The following THSD4 variants were observed in gnomAD, a reference collection of about 807,000 sequenced individuals.
THSD4 encodes the protein thrombospondin type 1 domain containing 4.
A neutral mutation model predicts 119.0 loss-of-function variants in THSD4; 69 were observed. The observed-to-expected ratio is 0.58, with a 90% CI of 0.48 to 0.71. THSD4 has a LOEUF of 0.71. THSD4 is among the 30% of genes least tolerant of loss of function. The pLI is 0.00. For synonymous variants in THSD4, 524 were observed against 540.4 expected, an observed-to-expected ratio of 0.97 and a Z score of 0.42; for missense variants, 1,393 against 1,391.1, an observed-to-expected ratio of 1.00 and a Z score of -0.02.
chr15:71,553,098 C>G (rs989629139), intron 7 of THSD4, among the ~76,000 whole-genome samples: 10 of 152,160 alleles, frequency 6.6e-5, no homozygotes, highest in Admixed American at 3.9e-4. Context: ...CTTCTAGAAC[C>G]ATTCTTGTAC....
chr15:71,432,704 A>G (rs1180237169), intron 7 of THSD4, among the ~76,000 whole-genome samples: 1 of 152,076 alleles, frequency 6.6e-6, no homozygotes. Context: ...TTGACCACAT[A>G]TGATACAATT....
At chr15:71,297,867 A>T (rs935005894) in intron 6 of THSD4, among the ~76,000 whole-genome samples, 2 of 152,196 alleles carry the variant, frequency 1.3e-5, no homozygotes, top group African/African-American at 4.8e-5. Flanking sequence ...CTTATCAGAT[A>T]TATAATTTGC....
intron 1 of THSD4, among the ~76,000 whole-genome samples, chr15:71,101,401 T>C (rs1409405181): frequency 6.6e-6 from 1 of 152,238 alleles, no homozygotes; most frequent in East Asian, 1.9e-4. Flanking sequence ...TTATGTATTA[T>C]GATGACTACA....
At chr15:71,395,492 A>G (rs1162470432) in intron 6 of THSD4, among the ~76,000 whole-genome samples, 2 of 152,178 alleles carry the variant, frequency 1.3e-5, no homozygotes, top group African/African-American at 2.4e-5. Flanking sequence ...CTGTAATCTC[A>G]GCACTTTGGG....
intron 3 of THSD4, among the ~76,000 whole-genome samples, chr15:71,185,173 T>G (rs1341501495): frequency 6.6e-6 from 1 of 151,850 alleles, no homozygotes; most frequent in Non-Finnish European, 1.5e-5. Context: ...GTGGTCACTT[T>G]TAGTACACAT....
At position 71,765,455 on chromosome 15, in the gene THSD4, G is replaced by T. The variant is rs116065821; in HGVS notation, c.2769+256G>T. Reference sequence around the variant, plus strand: ...TTCAGTGTGCATAGGAATCATCTGAGGATCTTGTTTGACAAGACCAACTCT... The same window carrying T: ...TTCAGTGTGCATAGGAATCATCTGATGATCTTGTTTGACAAGACCAACTCT... On this transcript the variant is annotated intron_variant, in intron 16 of 17. Transcript: ENST00000261862. 2.5e-3 allele frequency among the ~76,000 whole-genome samples: 385 copies of T among 152,328 alleles called. 1 individual carries two copies. Among genetic ancestry groups the T allele is most frequent in the African/African-American group, 8.8e-3 (364 of 41,574 alleles).
rs374528465 is a variant in THSD4, at chr15:71,410,672, T to G, written c.1016-1015T>G. 1.2e-4 allele frequency among the ~76,000 whole-genome samples: 19 copies of G among 152,292 alleles called. No individual in the cohort carries two copies. In the East Asian group the frequency reaches 1.7e-3, roughly 14 times the overall value. On this transcript the variant is annotated intron_variant, in intron 6 of 17. Coordinates refer to ENST00000261862, the MANE Select transcript of THSD4 (RefSeq NM_024817.3). ...TAAATACCTCATAATGGAGGAATTA[T>G]TACAGGAAGCTGCGGCCATTTAAAA...
chr15:71,363,416 T>C (rs2045919437), intron 6 of THSD4, among the ~76,000 whole-genome samples: 1 of 152,140 alleles, frequency 6.6e-6, no homozygotes, highest in African/African-American at 2.4e-5. Flanking sequence ...TGCTCACTGC[T>C]CCTGGTGTGC....
At chr15:71,368,223 A>T (rs1239321262) in intron 6 of THSD4, among the ~76,000 whole-genome samples, 1 of 152,024 alleles carries the variant, frequency 6.6e-6, no homozygotes, top group Non-Finnish European at 1.5e-5. Flanking sequence ...ATTTTCTCCC[A>T]TTCTGTAGGT....
At chr15:71,545,550 A>C (rs1310376232) in intron 7 of THSD4, among the ~76,000 whole-genome samples, 1 of 152,160 alleles carries the variant, frequency 6.6e-6, no homozygotes, top group Non-Finnish European at 1.5e-5. Context: ...CTTTTACAGA[A>C]AGTTTCCCAA....
At chr15:71,349,518 C>T (rs560708197) in intron 6 of THSD4, among the ~76,000 whole-genome samples, 1 of 152,288 alleles carries the variant, frequency 6.6e-6, no homozygotes, top group South Asian at 2.1e-4. Flanking sequence ...CTACGTAGCA[C>T]CTGTCAGTGA....
chr15:71,122,961 C>A (rs1348144560), intron 1 of THSD4, among the ~76,000 whole-genome samples: 1 of 152,182 alleles, frequency 6.6e-6, no homozygotes, highest in Non-Finnish European at 1.5e-5. Flanking sequence ...AGAAATTGCA[C>A]TTGGGAGGCC....
At chr15:71,734,719 T>C (rs1370570882) in intron 10 of THSD4, among the ~76,000 whole-genome samples, 1 of 151,086 alleles carries the variant, frequency 6.6e-6, no homozygotes, top group Non-Finnish European at 1.5e-5. Context: ...ATGATGGTAG[T>C]AAGGGACCCT....
chr15:71,340,026 A>T (rs12915534), intron 6 of THSD4, among the ~76,000 whole-genome samples: 1 of 152,130 alleles, frequency 6.6e-6, no homozygotes, highest in South Asian at 2.1e-4. Context: ...TGCCCTCCCA[A>T]AGAGTTGGGA....
intron 7 of THSD4, among the ~76,000 whole-genome samples, chr15:71,441,397 AT>A (rs1215547880): frequency 0.039 from 2,891 of 73,342 alleles, 81 homozygotes; most frequent in South Asian, 0.061. Context: ...CACCTGTAGA[AT>A]TTTTTTTTTT....
chr15:71,229,245 T>C (rs2044042419), intron 4 of THSD4, among the ~76,000 whole-genome samples: 1 of 152,352 alleles, frequency 6.6e-6, no homozygotes, highest in African/African-American at 2.4e-5. Context: ...CTTTGATCTT[T>C]GCAGTGATGG....
intron 6 of THSD4, among the ~76,000 whole-genome samples, chr15:71,276,577 T>C (rs2044592771): frequency 6.6e-6 from 1 of 152,180 alleles, no homozygotes; most frequent in South Asian, 2.1e-4. Context: ...TCTTTGCCAG[T>C]TCTATGGTTT....
At chr15:71,541,981 T>C (rs796198034) in intron 7 of THSD4, among the ~76,000 whole-genome samples, 1 of 152,304 alleles carries the variant, frequency 6.6e-6, no homozygotes, top group African/African-American at 2.4e-5. Context: ...AGTCTTGTAA[T>C]TGTCATATGA....
chr15:71,493,740 G>A (rs1476914002), intron 7 of THSD4, among the ~76,000 whole-genome samples: 3 of 152,178 alleles, frequency 2.0e-5, no homozygotes, highest in African/African-American at 7.2e-5. Flanking sequence ...GGTTTATTGG[G>A]CTCACACTAT....
Sources: gnomAD v4.1 joint callset for allele counts (sites outside exome capture counted in the v4.1 genomes callset) on GRCh38, gnomAD v4.1.1 for gene constraint, MANE v1.5 for transcripts, NCBI Gene and HGNC (gene_info 2026-07-23, HGNC 2026-07-21) for gene names.